Variants in VPS51 observed in about 807,000 individuals in gnomAD.
The protein encoded by VPS51 is vacuolar protein sorting-associated protein 51 homolog.
A neutral mutation model predicts 65.1 loss-of-function variants in VPS51; 55 were observed. The observed-to-expected ratio is 0.84, with a 90% CI of 0.68 to 1.06. VPS51 has a LOEUF of 1.06. Ranked by LOEUF, VPS51 falls within the 50% of genes least tolerant of loss-of-function variation. VPS51 has a pLI of 0.00. For synonymous variants in VPS51, 473 were observed against 489.5 expected, an observed-to-expected ratio of 0.97 and a Z score of 0.44; for missense variants, 943 against 1,101.6, an observed-to-expected ratio of 0.86 and a Z score of 2.04.
chr11:65,110,781 G>A lies in VPS51; in HGVS notation c.2088G>A (p.Lys696=). The A allele has an allele frequency of 6.2e-7, 1 of 1,614,090 alleles. No individual in the cohort carries two copies. Among genetic ancestry groups the A allele is most frequent in the Non-Finnish European group, 8.5e-7 (1 of 1,179,994 alleles). The change falls in exon 9 of 10, where the codon AAG becomes AAA. Residue 696 remains lysine, a splice_region_variant and synonymous_variant. Transcript: ENST00000279281. ...TGTTCAGCCCTGTGGAGTTCAACAA[G>A]GTCCGACTTCCAACGTGACTCAGAC... ...IDVFSPVEFN[K]VSVLTGIIKI... is the part of the protein sequence containing the mutation.
In VPS51 at chr11:65,107,684, C is replaced by T. The variant is rs765356754; in HGVS notation, c.462C>T (p.Ser154=). ...TCACCGACTTCAGCGCTCGCATCAG[C>T]GCCACGCTGCAGGACCGCCACGAGC... ...AVITDFSARI[S]ATLQDRHERI... is the part of the protein sequence containing the mutation. The change falls in exon 3 of 10, where the codon AGC becomes AGT. Residue 154 remains serine (S), a synonymous_variant. Transcript: ENST00000279281. The surrounding 1 kb of genome is among the most constrained non-coding windows in gnomAD (Gnocchi z 4.0). 11 of 1,610,332 alleles carry T rather than the reference C, an allele frequency of 6.8e-6. No individual in the cohort carries two copies. Among genetic ancestry groups the T allele is most frequent in the Middle Eastern group, 1.7e-4 (1 of 6,060 alleles).
At chr11:65,111,166 G>T (rs756373163) in intron 9 of VPS51, 161 bp from the exon 10 acceptor site, 1 of 1,093,836 alleles carries the variant, frequency 9.1e-7, no homozygotes, top group Non-Finnish European at 1.3e-6. Flanking sequence ...TCCAGATGAC[G>T]GCGCTAATAT....
At chr11:65,105,900 A>G (rs925331538) in intron 2 of VPS51, among the ~76,000 whole-genome samples, 3 of 152,254 alleles carry the variant, frequency 2.0e-5, no homozygotes, top group African/African-American at 7.2e-5. Context: ...GAGCAGGTGC[A>G]TAGGGCGAGG....
At chr11:65,101,990 T>G (rs1947811889) in intron 2 of VPS51, among the ~76,000 whole-genome samples, 2 of 149,580 alleles carry the variant, frequency 1.3e-5, no homozygotes, top group South Asian at 4.2e-4. Flanking sequence ...TCACTCTCCC[T>G]GGTTACAAAC....
In VPS51 at chr11:65,104,129, A is replaced by G. The variant is rs561856113; in HGVS notation, c.359-3452A>G. Among the ~76,000 whole-genome samples, 32 of 152,256 alleles carry G rather than the reference A, an allele frequency of 2.1e-4. No individual in the cohort carries two copies. In the East Asian group the frequency reaches 6.0e-3, roughly 28 times the overall value. On this transcript the variant is annotated intron_variant, in intron 2 of 9. Transcript: ENST00000279281. ...TTTTTACTAGAGACAGGGTTTTACC[A>G]TGTTGGCCAGGCTGGTCTCAAACTC...
intron 2 of VPS51, 75 bp downstream of exon 2, chr11:65,097,202 G>A: frequency 2.5e-6 from 4 of 1,587,166 alleles, no homozygotes; most frequent in South Asian, 2.3e-5. Flanking sequence ...AAACCAGCAA[G>A]GGATTTAGAG....
At chr11:65,096,533 C>A in intron 1 of VPS51, 55 bp downstream of exon 1, 1 of 1,359,512 alleles carries the variant, frequency 7.4e-7, no homozygotes, top group East Asian at 2.7e-5. Flanking sequence ...GAACCAGGCC[C>A]CTGCTATATT....
intron 5 of VPS51, 146 bp downstream of exon 5, chr11:65,109,060 C>T: frequency 8.9e-7 from 1 of 1,127,022 alleles, no homozygotes. Context: ...GGGGAAGGCT[C>T]AGGGCATCTG....
At chr11:65,109,974 C>G in intron 7 of VPS51, 51 bp downstream of exon 7, 2 of 1,521,248 alleles carry the variant, frequency 1.3e-6, no homozygotes, top group Non-Finnish European at 1.8e-6. Context: ...GGGGTACTGT[C>G]CCTTCAAGAG....
intron 9 of VPS51, 84 bp downstream of exon 9, chr11:65,110,865 A>C: frequency 6.4e-7 from 1 of 1,558,074 alleles, no homozygotes; most frequent in Non-Finnish European, 8.8e-7. Flanking sequence ...AAGGAGCCCC[A>C]GGACTCTGTG....
chr11:65,111,125 C>CT (rs1472445387), intron 9 of VPS51: 111 of 840,986 alleles, frequency 1.3e-4, no homozygotes, highest in Non-Finnish European at 2.0e-4. Flanking sequence ...AGGGATGCCT[C>CT]TGATTGCTGG....
intron 8 of VPS51, 33 bp from the exon 9 acceptor site, chr11:65,110,661 G>C: frequency 6.2e-7 from 1 of 1,614,156 alleles, no homozygotes; most frequent in Non-Finnish European, 8.5e-7. Flanking sequence ...AGGGTGCAGG[G>C]CGGGCTCTGA....
rs571448656 is a variant in VPS51, at chr11:65,109,828, G to C, written c.1783G>C (p.Val595Leu). 6 of 1,611,780 alleles carry C rather than the reference G, an allele frequency of 3.7e-6. No homozygotes were observed. Among genetic ancestry groups the C allele is most frequent in the Non-Finnish European group, 5.1e-6 (6 of 1,179,516 alleles). The change falls in exon 7 of 10, where the codon GTG becomes CTG. Residue 595 changes from valine to leucine, a missense_variant. Physicochemically the swap from Val to Leu is conservative, Grantham distance 32. Coordinates refer to ENST00000279281, the MANE Select transcript of VPS51 (RefSeq NM_013265.4). Reference protein sequence around the residue: ...LVISQMLRKSVETRDWLSTLE... With the variant: ...LVISQMLRKSLETRDWLSTLE... ...CATATCACAGATGCTGCGCAAGAGC[G>C]TGGAGACTCGCGACTGGCTCAGCAC...
chr11:65,096,725 T>G (rs1947772864), intron 1 of VPS51: 1 of 639,574 alleles, frequency 1.6e-6, no homozygotes, highest in Non-Finnish European at 2.7e-6. Flanking sequence ...AGGCCCGGAA[T>G]TGGGGGCGTG....
intron 2 of VPS51, among the ~76,000 whole-genome samples, chr11:65,104,017 C>G (rs1457829802): frequency 2.0e-5 from 3 of 151,944 alleles, no homozygotes; most frequent in Non-Finnish European, 4.4e-5. Context: ...CAACTTGTGC[C>G]TCCAGGGTTC....
intron 2 of VPS51, among the ~76,000 whole-genome samples, chr11:65,098,585 T>C (rs1309701339): frequency 1.3e-5 from 2 of 152,136 alleles, no homozygotes; most frequent in Admixed American, 6.6e-5. Context: ...ATCTGTGGGG[T>C]TGCATTCTGA....
rs1196793415 is a variant in VPS51 at position 65,107,891 on chromosome 11, G to A, written c.594G>A (p.Gln198=). 6.4e-7 allele frequency: 1 copy of A among 1,551,482 alleles called. No individual in the cohort carries two copies. Among genetic ancestry groups the A allele is most frequent in the South Asian group, 1.2e-5 (1 of 84,520 alleles). The change falls in exon 4 of 10, where the codon CAG becomes CAA. Residue 198 remains glutamine, a synonymous_variant. Transcript: ENST00000279281. This position sits in a 1 kb window ranked among gnomAD's most constrained non-coding sequence, Gnocchi z 4.0. ...TKCVELGAYG[Q]AVRYQGRAQA... ...GCGTGGAACTGGGCGCCTATGGGCA[G>A]GCGGTGCGCTACCAGGGCCGCGCGC...
At position 65,107,309 on chromosome 11, in the gene VPS51, G is replaced by C. The variant is rs748652315; in HGVS notation, c.359-272G>C. 2 of 601,718 alleles carry C rather than the reference G, an allele frequency of 3.3e-6. No homozygotes were observed. The highest frequency in any genetic ancestry group is 1.5e-5 in the South Asian group (1 of 64,898). 37.3% of individuals were successfully genotyped at this position (601,718 alleles called of 1,614,324 possible). ...GGCTAAGCACCTGCGGCCTGCTTCG[G>C]ATCTGGACTAATTCTGAGGGCCGGC... On this transcript the variant is annotated intron_variant, in intron 2 of 9. Coordinates refer to ENST00000279281, the MANE Select transcript of VPS51 (RefSeq NM_013265.4). This position sits in a 1 kb window ranked among gnomAD's most constrained non-coding sequence, Gnocchi z 4.0.
intron 2 of VPS51, among the ~76,000 whole-genome samples, chr11:65,100,617 G>A (rs937457404): frequency 3.7e-5 from 5 of 134,784 alleles, no homozygotes; most frequent in Admixed American, 8.7e-5. Context: ...TGTAACCTCC[G>A]CCTCCCCAGT....
Sources: gnomAD v4.1 joint callset for allele counts (sites outside exome capture counted in the v4.1 genomes callset) on GRCh38, gnomAD v4.1.1 for gene constraint, Gnocchi (gnomAD v3.1) non-coding constraint, MANE v1.5 for transcripts, NCBI Gene and HGNC (gene_info 2026-07-23, HGNC 2026-07-21) for gene names.